Variants in PCDHA8 observed in about 807,000 individuals in gnomAD.
PCDHA8 encodes the protein protocadherin alpha-8.
Under a neutral mutation model 61.8 loss-of-function variants are expected in PCDHA8, and 53 were observed. The observed-to-expected ratio is 0.86, with a 90% CI of 0.69 to 1.08. The LOEUF is 1.08. PCDHA8 is among the 50% of genes least tolerant of loss of function. The pLI is 0.00. For missense variants in PCDHA8, 1,293 were observed against 1,245.0 expected (o/e 1.04, Z -0.58); for synonymous variants, 618 against 556.6 (o/e 1.11, Z -1.55).
At chr5:140,976,486 G>T (rs782708902) in intron 1 of PCDHA8, among the ~76,000 whole-genome samples, 1 of 152,078 alleles carries the variant, frequency 6.6e-6, no homozygotes, top group Non-Finnish European at 1.5e-5. Context: ...GGGAGGCAGA[G>T]GTTGCAGGGA....
At chr5:140,984,132 G>A (rs1395953013) in intron 3 of PCDHA8, among the ~76,000 whole-genome samples, 1 of 152,240 alleles carries the variant, frequency 6.6e-6, no homozygotes, top group African/African-American at 2.4e-5. Context: ...GTTGCAGGAT[G>A]TGGAGGCATC....
chr5:140,995,379 G>T (rs1300023701), intron 3 of PCDHA8, among the ~76,000 whole-genome samples: 2 of 152,172 alleles, frequency 1.3e-5, no homozygotes, highest in East Asian at 1.9e-4. Context: ...CACGTACTGG[G>T]CAGGATAAAG....
chr5:140,848,485 G>C (rs1386369016), intron 1 of PCDHA8: 1 of 1,573,026 alleles, frequency 6.4e-7, no homozygotes, highest in Non-Finnish European at 8.7e-7. Flanking sequence ...GAAGAAGACT[G>C]AGTATTTGAA....
At chr5:140,891,040 C>G (rs2062916193) in intron 1 of PCDHA8, among the ~76,000 whole-genome samples, 1 of 144,978 alleles carries the variant, frequency 6.9e-6, no homozygotes, top group Admixed American at 6.6e-5. Context: ...TTAGGTGTGA[C>G]CCCCACAGCA....
intron 1 of PCDHA8, among the ~76,000 whole-genome samples, chr5:140,904,904 C>T (rs1463349424): frequency 6.6e-6 from 1 of 151,948 alleles, no homozygotes; most frequent in East Asian, 1.9e-4. Context: ...GTTTTTCTTA[C>T]TGATTTGTTT....
Position 140,841,492 on chromosome 5 carries a change from G to T in PCDHA8, c.171G>T (p.Ala57=). 1 of 1,613,200 alleles carries T rather than the reference G, an allele frequency of 6.2e-7. No individual in the cohort carries two copies. ...RIAQDLGLEL[A]ELVPRLFRVA... Reference sequence around the variant, plus strand: ...CGCAGGACCTGGGGCTGGAGCTGGCGGAGCTGGTGCCGCGCCTGTTCCGGG... The same window carrying T: ...CGCAGGACCTGGGGCTGGAGCTGGCTGAGCTGGTGCCGCGCCTGTTCCGGG... Residue 57 remains alanine (A), a synonymous_variant, in exon 1 of 4, where the codon GCG becomes GCT. Transcript: ENST00000531613.
Position 141,009,659 on chromosome 5 carries a change from G to A in PCDHA8, c.2575G>A (p.Gly859Ser), listed in dbSNP as rs781996586. 3.0e-5 allele frequency: 48 copies of A among 1,613,808 alleles called. No individual in the cohort carries two copies. Among genetic ancestry groups the A allele is most frequent in the East Asian group, 4.5e-5 (2 of 44,878 alleles). The change falls in exon 4 of 4, where the codon GGT becomes AGT. Residue 859 changes from glycine (G) to serine (S), a missense_variant. Coordinates refer to ENST00000531613, the MANE Select transcript of PCDHA8 (RefSeq NM_018911.3). ...GGCAGGAGAAGTGTCCCCTCCAGTC[G>A]GTGCGGGTGTCAACAGCAACAGCTG... is the stretch of plus-strand genomic sequence containing the variant. ...PEAGEVSPPV[G>S]AGVNSNSWTF...
intron 1 of PCDHA8, among the ~76,000 whole-genome samples, chr5:140,879,506 A>T (rs1156992401): frequency 1.3e-5 from 2 of 152,224 alleles, no homozygotes; most frequent in Non-Finnish European, 2.9e-5. Context: ...CTCAGAAGAG[A>T]TTATTGATAT....
At chr5:140,956,085 A>T (rs1338013265) in intron 1 of PCDHA8, among the ~76,000 whole-genome samples, 1 of 152,214 alleles carries the variant, frequency 6.6e-6, no homozygotes, top group Admixed American at 6.5e-5. Context: ...GGATCATGTC[A>T]TCTGCAAACA....
chr5:140,851,821 C>A, intron 1 of PCDHA8: 1 of 958,244 alleles, frequency 1.0e-6, no homozygotes, highest in Non-Finnish European at 1.3e-6. Context: ...AGACAGAAAT[C>A]TGTTTTTTTA....
At chr5:140,923,660 G>T (rs1442227445) in intron 1 of PCDHA8, among the ~76,000 whole-genome samples, 1 of 152,148 alleles carries the variant, frequency 6.6e-6, no homozygotes, top group South Asian at 2.1e-4. Context: ...TTATCTTTGG[G>T]ATATCGTTCT....
At chr5:140,964,771 A>C (rs2095853520) in intron 1 of PCDHA8, among the ~76,000 whole-genome samples, 1 of 152,022 alleles carries the variant, frequency 6.6e-6, no homozygotes, top group South Asian at 2.1e-4. Context: ...GGATGCAGAG[A>C]GAAGAGGAAG....
intron 1 of PCDHA8, among the ~76,000 whole-genome samples, chr5:140,946,626 A>G (rs2093985217): frequency 7.5e-6 from 1 of 132,480 alleles, no homozygotes; most frequent in Non-Finnish European, 1.6e-5. Context: ...ATATATATAT[A>G]TATATACAAT....
intron 1 of PCDHA8, chr5:140,866,744 A>G (rs980107592): frequency 1.3e-5 from 2 of 152,180 alleles, no homozygotes; most frequent in African/African-American, 2.4e-5. Flanking sequence ...TAATACTTAT[A>G]TGACTAACAG....
chr5:140,858,618 C>T (rs781842612), intron 1 of PCDHA8: 2 of 1,160,992 alleles, frequency 1.7e-6, no homozygotes, highest in South Asian at 1.6e-5. Context: ...TTTTATCCTA[C>T]CCAGTGTGTC....
At chr5:140,864,409 G>C (rs1354025134) in intron 1 of PCDHA8, 3 of 152,230 alleles carry the variant, frequency 2.0e-5, no homozygotes, top group Non-Finnish European at 4.4e-5. Context: ...GAGCAGGGTT[G>C]AGGCAGCTTC....
At chr5:140,998,054 A>G (rs562918919) in intron 3 of PCDHA8, among the ~76,000 whole-genome samples, 37 of 152,304 alleles carry the variant, frequency 2.4e-4, no homozygotes, top group African/African-American at 8.9e-4. Flanking sequence ...CAGTGACATC[A>G]TCATCAACAG....
intron 1 of PCDHA8, chr5:140,848,598 G>T (rs2150413954): frequency 1.3e-6 from 2 of 1,593,946 alleles, no homozygotes; most frequent in African/African-American, 1.3e-5. Context: ...CCACTACTCC[G>T]TCCCGGAGGA....
intron 1 of PCDHA8, chr5:140,883,754 G>C: frequency 3.1e-6 from 5 of 1,613,118 alleles, no homozygotes; most frequent in Non-Finnish European, 4.2e-6. Flanking sequence ...CTCGCTGGTG[G>C]AGCGGCGGGT....
Sources: allele counts gnomAD v4.1 joint callset (sites outside exome capture counted in the v4.1 genomes callset), GRCh38; gene constraint gnomAD v4.1.1; transcripts MANE v1.5; gene names NCBI Gene and HGNC (gene_info 2026-07-23, HGNC 2026-07-21).